CSMD3: variants seen among roughly 807,000 people sequenced by gnomAD.
CSMD3 encodes the protein CUB and Sushi multiple domains 3.
In CSMD3, 177 loss-of-function variants were observed where a neutral mutation model predicts 435.2. That is an observed-to-expected ratio of 0.41 (90% CI 0.36 to 0.46). The LOEUF is 0.46. Among genes scored for constraint, CSMD3 ranks in the 20% least tolerant of loss-of-function variants. The pLI, the probability that CSMD3 is intolerant of heterozygous loss-of-function variation, is 0.34. For synonymous variants in CSMD3, 1,656 were observed against 1,520.5 expected, an observed-to-expected ratio of 1.09 and a Z score of -2.07; for missense variants, 4,265 against 4,504.6, an observed-to-expected ratio of 0.95 and a Z score of 1.52.
chr8:113,370,904 A>G (rs1388527863), intron 1 of CSMD3, among the ~76,000 whole-genome samples: 1 of 152,120 alleles, frequency 6.6e-6, no homozygotes, highest in Non-Finnish European at 1.5e-5. Context: ...TGTAAGATTA[A>G]TAACAAATTA....
At chr8:112,389,067 C>T (rs571927167) in intron 36 of CSMD3, among the ~76,000 whole-genome samples, 2 of 152,220 alleles carry the variant, frequency 1.3e-5, no homozygotes, top group South Asian at 2.1e-4. Context: ...TAGAGAGCTG[C>T]TGACAGAGCA....
chr8:112,580,148 G>A (rs1830234916), intron 23 of CSMD3, among the ~76,000 whole-genome samples: 1 of 151,868 alleles, frequency 6.6e-6, no homozygotes, highest in African/African-American at 2.4e-5. Context: ...ATTCTACCAG[G>A]CTGACAATGG....
intron 53 of CSMD3, among the ~76,000 whole-genome samples, chr8:112,297,164 TGC>T (rs1283530052): frequency 6.7e-6 from 1 of 149,226 alleles, no homozygotes; most frequent in African/African-American, 2.5e-5. Context: ...ATAATTCTTA[TGC>T]AAACTCTTTT....
At chr8:112,344,621 A>G (rs572988202) in intron 41 of CSMD3, among the ~76,000 whole-genome samples, 2 of 152,144 alleles carry the variant, frequency 1.3e-5, no homozygotes, top group Non-Finnish European at 2.9e-5. Flanking sequence ...GTATCTATTC[A>G]TCCTAGTCTT....
At chr8:113,224,270 G>A (rs1010201463) in intron 3 of CSMD3, among the ~76,000 whole-genome samples, 4 of 150,874 alleles carry the variant, frequency 2.7e-5, no homozygotes, top group Non-Finnish European at 4.5e-5. Context: ...TTTTTATTTT[G>A]TATTTGCCCA....
chr8:112,876,028 T>G (rs2130118616), intron 10 of CSMD3, among the ~76,000 whole-genome samples: 1 of 152,282 alleles, frequency 6.6e-6, no homozygotes, highest in East Asian at 1.9e-4. Flanking sequence ...CTTTTTGCAT[T>G]GGTTTTTCCT....
At chr8:112,482,828 T>C (rs940224552) in intron 31 of CSMD3, among the ~76,000 whole-genome samples, 3 of 152,222 alleles carry the variant, frequency 2.0e-5, no homozygotes, top group African/African-American at 7.2e-5. Flanking sequence ...GAATGTTTTC[T>C]CTAATTTCCA....
intron 31 of CSMD3, among the ~76,000 whole-genome samples, chr8:112,476,007 A>T (rs1350401239): frequency 6.6e-6 from 1 of 152,140 alleles, no homozygotes; most frequent in Non-Finnish European, 1.5e-5. Context: ...ATTATAACTT[A>T]TGTAGTTAAT....
At chr8:112,323,926 A>G (rs1347783346) in intron 45 of CSMD3, among the ~76,000 whole-genome samples, 1 of 152,098 alleles carries the variant, frequency 6.6e-6, no homozygotes. Context: ...ACTAAATTTC[A>G]TAGTGGTTGA....
intron 5 of CSMD3, among the ~76,000 whole-genome samples, chr8:113,056,890 T>C (rs1368019593): frequency 2.0e-5 from 3 of 152,208 alleles, no homozygotes; most frequent in African/African-American, 7.2e-5. Context: ...TATTGGGCTT[T>C]ACATAGCCTG....
At chr8:112,900,484 C>T (rs1208194537) in intron 10 of CSMD3, among the ~76,000 whole-genome samples, 1 of 151,118 alleles carries the variant, frequency 6.6e-6, no homozygotes, top group Non-Finnish European at 1.5e-5. Flanking sequence ...CAACTGATAC[C>T]TTGTTCTCTT....
intron 4 of CSMD3, among the ~76,000 whole-genome samples, chr8:113,159,228 G>A (rs1007639472): frequency 1.1e-4 from 16 of 151,634 alleles, no homozygotes; most frequent in Non-Finnish European, 2.1e-4. Context: ...TGTATAATAT[G>A]TAAAAATATG....
At chr8:113,339,688 G>A (rs929762922) in intron 1 of CSMD3, among the ~76,000 whole-genome samples, 1 of 151,682 alleles carries the variant, frequency 6.6e-6, no homozygotes, top group Non-Finnish European at 1.5e-5. Context: ...TTTTTCTTCT[G>A]TTTCTTTCAC....
chr8:113,146,443 C>T (rs1311732738), intron 4 of CSMD3, among the ~76,000 whole-genome samples: 1 of 151,544 alleles, frequency 6.6e-6, no homozygotes, highest in Non-Finnish European at 1.5e-5. Context: ...GATTTACACT[C>T]TAGCTCAATA....
chr8:112,833,031 G>A (rs754092426), intron 11 of CSMD3, among the ~76,000 whole-genome samples: 1 of 151,898 alleles, frequency 6.6e-6, no homozygotes, highest in South Asian at 2.1e-4. Flanking sequence ...GTATGTACCC[G>A]AACTACCACA....
intron 5 of CSMD3, among the ~76,000 whole-genome samples, chr8:113,030,433 A>AAAAC (rs1467141593): frequency 3.8e-4 from 57 of 149,300 alleles, no homozygotes; most frequent in African/African-American, 1.4e-3. Flanking sequence ...AAAAAAAAAA[A>AAAAC]AAAAAAAAAA....
chr8:112,343,001 T>A lies in CSMD3; in HGVS notation c.6443-1315A>T, dbSNP rs62514410. 7.8e-3 allele frequency among the ~76,000 whole-genome samples: 858 copies of A among 109,616 alleles called. 17 individuals are homozygous for A. Among genetic ancestry groups the A allele is most frequent in the African/African-American group, 0.028 (784 of 28,368 alleles). The allele number at this position is 109,616 out of a possible 152,430, so 71.9% of individuals were successfully genotyped here. A position where few individuals can be genotyped will look rare whatever the true frequency, so the allele number is the denominator to read the frequency against. On this transcript the variant is annotated intron_variant, in intron 41 of 70. Coordinates refer to ENST00000297405, the MANE Select transcript of CSMD3 (RefSeq NM_198123.2). Reference sequence around the variant, plus strand: ...TATATATATATTTATATATATATATTTATATATATATATATTTATATATAT... The same window carrying A: ...TATATATATATTTATATATATATATATATATATATATATATTTATATATAT...
At chr8:112,737,140 T>C (rs1389695884) in intron 13 of CSMD3, among the ~76,000 whole-genome samples, 1 of 151,992 alleles carries the variant, frequency 6.6e-6, no homozygotes, top group East Asian at 1.9e-4. Context: ...GATGGCTTTC[T>C]GTACTTAGCA....
Position 113,199,855 on chromosome 8 carries a change from A to C in CSMD3, c.515-25939T>G, listed in dbSNP as rs550213937. On this transcript the variant is annotated intron_variant, in intron 3 of 70. Coordinates refer to ENST00000297405, the MANE Select transcript of CSMD3 (RefSeq NM_198123.2). The stretch of plus-strand genomic sequence containing the variant: ...CTTATTAAAGGTTAGGAAAAAGGAC[A>C]GAAGTATCTGGAGCTGAAGATGCTG... 2.6e-5 allele frequency among the ~76,000 whole-genome samples: 4 copies of C among 152,028 alleles called. No individual in the cohort carries two copies. The East Asian group carries it at 7.8e-4, about 29-fold the overall frequency.
Sources: gnomAD v4.1 joint callset for allele counts (sites outside exome capture counted in the v4.1 genomes callset) on GRCh38, gnomAD v4.1.1 for gene constraint, MANE v1.5 for transcripts, NCBI Gene and HGNC (gene_info 2026-07-23, HGNC 2026-07-21) for gene names.